NME1: variants seen among roughly 807,000 people sequenced by gnomAD.
NME1 encodes the protein NME/NM23 nucleoside diphosphate kinase 1.
Under a neutral mutation model 17.2 loss-of-function variants are expected in NME1, and 9 were observed. The observed-to-expected ratio is 0.52, with a 90% CI of 0.32 to 0.92. NME1 has a LOEUF of 0.92. NME1 is among the 40% of genes least tolerant of loss of function. The probability of loss-of-function intolerance (pLI) is 0.04; values close to 1 mark genes in which losing one functional copy is unlikely to be tolerated. For synonymous variants in NME1, 72 were observed against 70.8 expected, an observed-to-expected ratio of 1.02 and a Z score of -0.09; for missense variants, 169 against 201.7, an observed-to-expected ratio of 0.84 and a Z score of 0.98.
chr17:51,154,236 A>C, intron 1 of NME1: 110 of 747,300 alleles, frequency 1.5e-4, no homozygotes, highest in Middle Eastern at 2.5e-4. Context: ...CCCTGTGGCT[A>C]GGTACCATAG....
chr17:51,159,307 T>C (rs1462069259), intron 2 of NME1, among the ~76,000 whole-genome samples: 1 of 152,022 alleles, frequency 6.6e-6, no homozygotes, highest in Non-Finnish European at 1.5e-5. Context: ...TTTTTTAAAA[T>C]TAGCCAGGTA....
rs773574670 is a variant in NME1 at position 51,161,237 on chromosome 17, G to A, written c.306G>A (p.Gly102=). 38 of 1,612,446 alleles carry A rather than the reference G, an allele frequency of 2.4e-5. No homozygotes were observed. Among genetic ancestry groups the A allele is most frequent in the Admixed American group, 3.3e-5 (2 of 59,710 alleles). Residue 102 remains glycine, a synonymous_variant, in exon 4 of 5, where the codon GGG becomes GGA. Coordinates refer to ENST00000393196, the MANE Select transcript of NME1 (RefSeq NM_000269.3). ...CCAACCCTGCAGACTCCAAGCCTGG[G>A]ACCATCCGTGGAGACTTCTGCATAC... ...GETNPADSKP[G]TIRGDFCIQV... is the part of the protein sequence containing the mutation.
At chr17:51,158,948 G>A (rs570053479) in intron 2 of NME1, among the ~76,000 whole-genome samples, 2 of 152,058 alleles carry the variant, frequency 1.3e-5, no homozygotes, top group Non-Finnish European at 2.9e-5. Flanking sequence ...ATGCACTTTT[G>A]GGTGATTTGC....
intron 3 of NME1, chr17:51,160,352 C>A: frequency 1.9e-6 from 1 of 527,548 alleles, no homozygotes; most frequent in Admixed American, 2.6e-5. Context: ...TGACAAGAAG[C>A]AGCCAGCCAT....
At chr17:51,158,175 G>A (rs973074727) in intron 2 of NME1, among the ~76,000 whole-genome samples, 2 of 152,240 alleles carry the variant, frequency 1.3e-5, no homozygotes. Flanking sequence ...AGCTACCAGG[G>A]AGGCTGAGGC....
chr17:51,157,512 G>A (rs72826459), intron 2 of NME1, among the ~76,000 whole-genome samples: 4,059 of 152,262 alleles, frequency 0.027, 85 homozygotes, highest in Non-Finnish European at 0.043. Context: ...CAACATTGTT[G>A]CATCGAGGAT....
At chr17:51,159,873 C>A in intron 2 of NME1, 107 bp from the exon 3 acceptor site, 2 of 1,325,012 alleles carry the variant, frequency 1.5e-6, no homozygotes, top group Non-Finnish European at 2.2e-6. Context: ...AATCAGTGAG[C>A]CCAACCGCTC....
At chr17:51,159,588 C>G (rs2049835174) in intron 2 of NME1, among the ~76,000 whole-genome samples, 1 of 152,086 alleles carries the variant, frequency 6.6e-6, no homozygotes, top group African/African-American at 2.4e-5. Context: ...CAGAGGGAGA[C>G]TCTGTCTCAA....
In NME1 at chr17:51,153,635, C is replaced by A. The variant is rs909644629; in HGVS notation, c.-32C>A. On this transcript the variant is annotated 5_prime_UTR_variant, in exon 1 of 5. Transcript: ENST00000393196. ...CGTTTCGGGTGCTGGCGGCTGCAGC[C>A]GGAGTTCAAACCTAAGCAGCTGGAA... 1 of 152,668 alleles carries A rather than the reference C, an allele frequency of 6.6e-6. No individual in the cohort carries two copies. The highest frequency in any genetic ancestry group is 2.4e-5 in the African/African-American group (1 of 41,436). The allele number at this position is 152,668 out of a possible 1,614,324, so 9.5% of individuals were successfully genotyped here.
At chr17:51,154,524 G>A in intron 1 of NME1, 2 of 1,200,596 alleles carry the variant, frequency 1.7e-6, no homozygotes, top group Admixed American at 1.7e-5. Flanking sequence ...TCAGTATGAT[G>A]TCCCGTATCA....
At chr17:51,160,596 C>T (rs983875589) in intron 3 of NME1, 3 of 243,460 alleles carry the variant, frequency 1.2e-5, no homozygotes, top group Non-Finnish European at 2.4e-5. Context: ...TGGGACACTT[C>T]ACACTTGGCA....
chr17:51,159,714 T>TA (rs398119862), intron 2 of NME1, among the ~76,000 whole-genome samples: 1 of 152,048 alleles, frequency 6.6e-6, no homozygotes, highest in Non-Finnish European at 1.5e-5. Flanking sequence ...GATTTTTTTT[T>TA]AAATGAGATA....
At chr17:51,154,449 G>A in intron 1 of NME1, 1 of 1,613,702 alleles carries the variant, frequency 6.2e-7, no homozygotes, top group Non-Finnish European at 8.5e-7. Flanking sequence ...TACAGGGTAG[G>A]TCATGAGCGC....
chr17:51,159,699 A>C (rs1048043493), intron 2 of NME1, among the ~76,000 whole-genome samples: 1 of 131,026 alleles, frequency 7.6e-6, no homozygotes, highest in Non-Finnish European at 1.7e-5. Context: ...TGAGCCCAGG[A>C]GTTTGATTTT....
In NME1 at chr17:51,161,167, A is replaced by T. The variant is rs1598241007; in HGVS notation, c.236A>T (p.Glu79Val). ...HSGPVVAMVW[E>V]GLNVVKTGRV... ...CTTCTTCTGTCCTTGGAGGTCTGGG[A>T]GGGGCTGAATGTGGTGAAGACGGGC... is the stretch of plus-strand genomic sequence containing the variant. The change falls in exon 4 of 5, where the codon GAG becomes GTG. Residue 79 changes from glutamate (E) to valine (V), a missense_variant. Physicochemically the swap from Glu to Val is moderately radical, Grantham distance 121. Transcript: ENST00000393196. The T allele has an allele frequency of 6.2e-7, 1 of 1,609,878 alleles. No homozygotes were observed. Among genetic ancestry groups the T allele is most frequent in the Non-Finnish European group, 8.5e-7 (1 of 1,178,346 alleles).
chr17:51,156,355 C>CAAT (rs2049785791), intron 2 of NME1: 1 of 170,516 alleles, frequency 5.9e-6, no homozygotes, highest in East Asian at 1.6e-4. Context: ...ATTGATTGAC[C>CAAT]AATAACCCTT....
intron 2 of NME1, among the ~76,000 whole-genome samples, chr17:51,159,539 G>C (rs2049834615): frequency 6.6e-6 from 1 of 152,098 alleles, no homozygotes; most frequent in Non-Finnish European, 1.5e-5. Context: ...GGAGGTTGCA[G>C]TAAGTCAGGA....
At position 51,161,863 on chromosome 17, in the gene NME1, T is replaced by C. The variant is rs555335928; in HGVS notation, c.*18T>C. ...ATGAATGACAGGAGGGCAGACCACA[T>C]TGCTTTTCACATCCATTTCCCCTCC... On this transcript the variant is annotated 3_prime_UTR_variant, in exon 5 of 5. Transcript: ENST00000393196. 1 of 1,514,102 alleles carries C rather than the reference T, an allele frequency of 6.6e-7. No individual in the cohort carries two copies. The highest frequency in any genetic ancestry group is 9.2e-7 in the Non-Finnish European group (1 of 1,089,398). The allele number at this position is 1,514,102 out of a possible 1,614,324, so 93.8% of individuals were successfully genotyped here. A position where few individuals can be genotyped will look rare whatever the true frequency, so the allele number is the denominator to read the frequency against.
chr17:51,154,147 T>G, intron 1 of NME1: 4 of 538,834 alleles, frequency 7.4e-6, no homozygotes, highest in East Asian at 3.2e-5. Context: ...TCTTTGGGCT[T>G]TGTCTCTCTC....
Sources: allele counts gnomAD v4.1 joint callset (sites outside exome capture counted in the v4.1 genomes callset), GRCh38; gene constraint gnomAD v4.1.1; transcripts MANE v1.5; gene names NCBI Gene and HGNC (gene_info 2026-07-23, HGNC 2026-07-21).